Variants in KLF12 observed in about 807,000 individuals in gnomAD.
KLF12 encodes the protein Krueppel-like factor 12.
A neutral mutation model predicts 37.8 loss-of-function variants in KLF12; 9 were observed. The ratio of observed to expected loss-of-function variants is 0.24; its 90% CI spans 0.14 to 0.42. The LOEUF (loss-of-function observed/expected upper bound fraction) is 0.42, where lower values mean the gene tolerates loss of function less well. Among genes scored for constraint, KLF12 ranks in the 10% least tolerant of loss-of-function variants. The probability of loss-of-function intolerance (pLI) is 1.00; values close to 1 mark genes in which losing one functional copy is unlikely to be tolerated. For synonymous variants in KLF12, 208 were observed against 202.1 expected, an observed-to-expected ratio of 1.03 and a Z score of -0.25; for missense variants, 411 against 516.0, an observed-to-expected ratio of 0.80 and a Z score of 1.97.
chr13:74,277,186 C>T, the KLF12 span, among the ~76,000 whole-genome samples: 11 of 152,332 alleles, frequency 7.2e-5, no homozygotes, highest in South Asian at 2.1e-3. Context: ...CTTCACATTG[C>T]CATCTGCAGT....
At chr13:74,092,949 T>C (rs1875764669) in intron 1 of KLF12, among the ~76,000 whole-genome samples, 1 of 152,194 alleles carries the variant, frequency 6.6e-6, no homozygotes, top group Admixed American at 6.5e-5. Context: ...CACTTCCTTT[T>C]CACTGTACAA....
chr13:73,855,521 C>T (rs749113791), intron 3 of KLF12, among the ~76,000 whole-genome samples: 14 of 152,102 alleles, frequency 9.2e-5, no homozygotes, highest in Non-Finnish European at 1.3e-4. Context: ...GTTGATTCCA[C>T]GTCTTTGTTA....
At chr13:74,140,805 G>A in the KLF12 span, among the ~76,000 whole-genome samples, 346 of 152,278 alleles carry the variant, frequency 2.3e-3, 1 homozygote, top group African/African-American at 7.5e-3. Context: ...TGTAATCCCA[G>A]CACTTTGGGA....
At chr13:73,848,208 T>C (rs1435165840) in intron 3 of KLF12, among the ~76,000 whole-genome samples, 1 of 152,184 alleles carries the variant, frequency 6.6e-6, no homozygotes, top group East Asian at 1.9e-4. Flanking sequence ...AGACACAAGA[T>C]TCCTACATAC....
intron 1 of KLF12, among the ~76,000 whole-genome samples, chr13:74,005,224 C>T (rs1003175603): frequency 9.9e-5 from 15 of 151,952 alleles, no homozygotes; most frequent in African/African-American, 3.6e-4. Context: ...TAATAAAGAG[C>T]CTACATCTCA....
chr13:74,266,059 C>A, the KLF12 span, among the ~76,000 whole-genome samples: 1 of 152,110 alleles, frequency 6.6e-6, no homozygotes, highest in African/African-American at 2.4e-5. Context: ...AGCTGCTGTT[C>A]CAGATGTTGT....
chr13:74,155,063 T>C, the KLF12 span, among the ~76,000 whole-genome samples: 1 of 152,224 alleles, frequency 6.6e-6, no homozygotes, highest in African/African-American at 2.4e-5. Context: ...CCGCTGACTA[T>C]CAATATTTGC....
At chr13:73,895,914 G>A (rs1189584306) in intron 3 of KLF12, among the ~76,000 whole-genome samples, 7 of 151,228 alleles carry the variant, frequency 4.6e-5, no homozygotes, top group Non-Finnish European at 1.0e-4. Flanking sequence ...TTCGCCTTCT[G>A]GATTCAAGTG....
intron 2 of KLF12, among the ~76,000 whole-genome samples, chr13:73,970,354 C>T (rs1349654406): frequency 6.7e-6 from 1 of 149,938 alleles, no homozygotes; most frequent in Non-Finnish European, 1.5e-5. Context: ...AGAACTGGTG[C>T]TGGTTTTTTT....
chr13:74,027,745 T>C (rs749307292), intron 1 of KLF12, among the ~76,000 whole-genome samples: 1 of 152,220 alleles, frequency 6.6e-6, no homozygotes, highest in Non-Finnish European at 1.5e-5. Flanking sequence ...TTTTTTGGCC[T>C]CTTTTTTCTT....
At chr13:74,104,328 C>T (rs1876532142) in intron 1 of KLF12, among the ~76,000 whole-genome samples, 1 of 152,190 alleles carries the variant, frequency 6.6e-6, no homozygotes, top group Admixed American at 6.5e-5. Flanking sequence ...AACTGTACAG[C>T]TCGACATTTC....
intron 3 of KLF12, among the ~76,000 whole-genome samples, chr13:73,943,328 G>A (rs1890274710): frequency 6.6e-6 from 1 of 152,044 alleles, no homozygotes; most frequent in Non-Finnish European, 1.5e-5. Flanking sequence ...CTGCACTTAT[G>A]CTCTTAACTA....
At chr13:74,263,689 G>A in the KLF12 span, among the ~76,000 whole-genome samples, 4 of 152,132 alleles carry the variant, frequency 2.6e-5, no homozygotes, top group African/African-American at 7.2e-5. Context: ...GCAGTGAGCT[G>A]AAATCACGCC....
the KLF12 span, among the ~76,000 whole-genome samples, chr13:74,226,445 T>C: frequency 6.6e-6 from 1 of 152,166 alleles, no homozygotes; most frequent in Non-Finnish European, 1.5e-5. Context: ...ATCTTGGATG[T>C]GTTCATTTAA....
chr13:74,192,451 T>G, the KLF12 span, among the ~76,000 whole-genome samples: 1 of 152,196 alleles, frequency 6.6e-6, no homozygotes, highest in African/African-American at 2.4e-5. Flanking sequence ...CAAATACCCA[T>G]TAGATCTGTT....
At chr13:74,117,449 G>A (rs1013493184) in intron 1 of KLF12, among the ~76,000 whole-genome samples, 15 of 149,822 alleles carry the variant, frequency 1.0e-4, no homozygotes, top group Admixed American at 1.3e-4. Flanking sequence ...AGATATATAC[G>A]CATGTACCCA....
intron 5 of KLF12, among the ~76,000 whole-genome samples, chr13:73,793,287 A>C (rs1402004815): frequency 6.6e-6 from 1 of 152,226 alleles, no homozygotes. Context: ...AATCTGATAG[A>C]ACAAATTGAC....
chr13:74,002,234 T>C (rs568631630), intron 1 of KLF12, among the ~76,000 whole-genome samples: 3 of 152,230 alleles, frequency 2.0e-5, no homozygotes, highest in South Asian at 2.1e-4. Flanking sequence ...CATAATCAAC[T>C]AGTATTTCTC....
chr13:74,027,418 G>C (rs191087417), intron 1 of KLF12, among the ~76,000 whole-genome samples: 13 of 152,070 alleles, frequency 8.5e-5, no homozygotes, highest in Non-Finnish European at 2.9e-5. Context: ...TCTTGGGAGC[G>C]GGGGGAGAGG....
Sources: allele counts gnomAD v4.1 joint callset (sites outside exome capture counted in the v4.1 genomes callset), GRCh38; gene constraint gnomAD v4.1.1; transcripts MANE v1.5; gene names NCBI Gene and HGNC (gene_info 2026-07-23, HGNC 2026-07-21).